Variants in MPRIP observed in about 807,000 individuals in gnomAD.
The protein encoded by MPRIP is myosin phosphatase Rho-interacting protein.
Under a neutral mutation model 234.9 loss-of-function variants are expected in MPRIP, and 59 were observed. The ratio of observed to expected loss-of-function variants is 0.25; its 90% CI spans 0.20 to 0.31. The LOEUF (loss-of-function observed/expected upper bound fraction) is 0.31. MPRIP is among the 10% of genes least tolerant of loss of function. MPRIP has a pLI of 1.00. For synonymous variants in MPRIP, 1,144 were observed against 1,263.9 expected (o/e 0.91, Z 2.01); for missense variants, 2,436 against 3,071.0 (o/e 0.79, Z 4.89).
chr17:17,069,068 T>G (rs2089128093), intron 1 of MPRIP, among the ~76,000 whole-genome samples: 1 of 152,210 alleles, frequency 6.6e-6, no homozygotes, highest in Non-Finnish European at 1.5e-5. Context: ...ATTTTTCCTT[T>G]TAGTTCTATT....
chr17:17,141,571 G>A (rs1056573569), intron 7 of MPRIP: 2 of 152,676 alleles, frequency 1.3e-5, no homozygotes, highest in African/African-American at 4.8e-5. Flanking sequence ...AGACGCCTTA[G>A]GCAGCCAGTT....
rs1322407498 is a variant in MPRIP at position 17,180,192 on chromosome 17, C to T, written c.7206+104C>T. On this transcript the variant is annotated intron_variant, in intron 23 of 23. Transcript: ENST00000651222. ...CTCCCATGGGCCACAGCTGCCAAAGCCCCAGGGCCCAGCACTGAGCCAGCC... is the reference window on the plus strand; with the variant it reads ...CTCCCATGGGCCACAGCTGCCAAAGTCCCAGGGCCCAGCACTGAGCCAGCC... The T allele has an allele frequency of 3.0e-6, 3 of 989,378 alleles. No individual in the cohort carries two copies. In the African/African-American group the frequency reaches 4.9e-5, roughly 16 times the overall value. The allele number at this position is 989,378 out of a possible 1,614,324, so 61.3% of individuals were successfully genotyped here.
At chr17:17,169,333 A>G (rs1257876922) in intron 16 of MPRIP, among the ~76,000 whole-genome samples, 1 of 152,210 alleles carries the variant, frequency 6.6e-6, no homozygotes, top group African/African-American at 2.4e-5. Flanking sequence ...CCATGGGGGC[A>G]GGGCCTGGGC....
Position 17,154,218 on chromosome 17 carries a change from T to C in MPRIP, c.1720-88T>C, listed in dbSNP as rs1414287156. 4.5e-6 allele frequency: 5 copies of C among 1,116,916 alleles called. No homozygotes were observed. In the African/African-American group the frequency reaches 6.1e-5, roughly 14 times the overall value. The allele number at this position is 1,116,916 out of a possible 1,614,324, so 69.2% of individuals were successfully genotyped here. ...CACAGCCTTTCTCCCTGTGGGACTT[T>C]ACCCAGTGCAGGGAGCTTCTTTGGA... On this transcript the variant is annotated intron_variant, in intron 12 of 23. Transcript: ENST00000651222.
At chr17:17,113,553 C>T (rs541094883) in intron 3 of MPRIP, among the ~76,000 whole-genome samples, 1 of 152,176 alleles carries the variant, frequency 6.6e-6, no homozygotes, top group Non-Finnish European at 1.5e-5. Flanking sequence ...TATTGGTGGA[C>T]ACTGGAGCTG....
chr17:17,075,247 G>T (rs2089300367), intron 1 of MPRIP, among the ~76,000 whole-genome samples: 1 of 152,212 alleles, frequency 6.6e-6, no homozygotes, highest in African/African-American at 2.4e-5. Flanking sequence ...GTCAGTTGAT[G>T]ATTCTTTGGC....
chr17:17,048,907 C>G (rs78893565), intron 1 of MPRIP, among the ~76,000 whole-genome samples: 2 of 152,214 alleles, frequency 1.3e-5, no homozygotes, highest in African/African-American at 4.8e-5. Context: ...GCACTACTCA[C>G]AATAGCCAAA....
rs2090743950 is a variant in MPRIP, at chr17:17,138,172, C to T, written c.993C>T (p.Leu331=). The change falls in exon 7 of 24, where the codon CTC becomes CTT. Residue 331 remains leucine (L), a synonymous_variant. Coordinates refer to ENST00000651222, the MANE Select transcript of MPRIP (RefSeq NM_001364716.4). This position sits in a 1 kb window ranked among gnomAD's most constrained non-coding sequence, Gnocchi z 5.8. ...ACCAAATGGTCTGCAGCATCTCCCTCAGCTCCCTGGATGTGGCCAGCCAGC... is the reference window on the plus strand; with the variant it reads ...ACCAAATGGTCTGCAGCATCTCCCTTAGCTCCCTGGATGTGGCCAGCCAGC... ...LPHQMVCSIS[L]SSLDVASQPP... is the part of the protein sequence containing the mutation. 8 of 1,162,030 alleles carry T rather than the reference C, an allele frequency of 6.9e-6. No individual in the cohort carries two copies. In the Middle Eastern group the frequency reaches 6.2e-4, roughly 91 times the overall value. The allele number at this position is 1,162,030 out of a possible 1,614,324, so 72.0% of individuals were successfully genotyped here. A position where few individuals can be genotyped will look rare whatever the true frequency, so the allele number is the denominator to read the frequency against.
In MPRIP at chr17:17,189,625, A is replaced by G. The variant is rs1039034540; in HGVS notation, c.*4731A>G. On this transcript the variant is annotated 3_prime_UTR_variant, in exon 24 of 24. Coordinates refer to ENST00000651222, the MANE Select transcript of MPRIP (RefSeq NM_001364716.4). ...AAGGAATTTGATGTTGAAATTTTAA[A>G]GAAAATTTGTCATGTTGATGAGAAG... 2.0e-5 allele frequency: 3 copies of G among 152,274 alleles called. No homozygotes were observed. Among genetic ancestry groups the G allele is most frequent in the Admixed American group, 6.5e-5 (1 of 15,290 alleles). The allele number at this position is 152,274 out of a possible 1,614,324, so 9.4% of individuals were successfully genotyped here.
chr17:17,123,912 C>CGGG (rs1224784352), intron 3 of MPRIP, among the ~76,000 whole-genome samples: 41 of 152,184 alleles, frequency 2.7e-4, no homozygotes, highest in African/African-American at 9.4e-4. Flanking sequence ...TTAGGTGATG[C>CGGG]CCGCCTCACA....
At chr17:17,071,556 C>T (rs2089195027) in intron 1 of MPRIP, among the ~76,000 whole-genome samples, 1 of 152,150 alleles carries the variant, frequency 6.6e-6, no homozygotes, top group African/African-American at 2.4e-5. Flanking sequence ...TCTACATCTG[C>T]CCCATCGTCC....
intron 1 of MPRIP, among the ~76,000 whole-genome samples, chr17:17,052,820 A>C (rs942799957): frequency 6.6e-6 from 1 of 152,198 alleles, no homozygotes; most frequent in African/African-American, 2.4e-5. Context: ...TTTCCTCTGA[A>C]AGAGGAATTC....
rs909010029 is a variant in MPRIP at position 17,166,887 on chromosome 17, G to A, written c.5296G>A (p.Asp1766Asn). ...RDSDSSQEPF[D>N]VSDQSPGAFV... ...CTCAGACAGCTCTCAGGAGCCCTTC[G>A]ATGTGTCTGACCAGAGCCCTGGGGC... The change falls in exon 16 of 24, where the codon GAT becomes AAT. Residue 1766 changes from aspartate (D) to asparagine (N), a missense_variant. By Grantham distance (23) the Asp-to-Asn change is conservative. Around this residue, in one of 4 missense-constraint regions of MPRIP, gnomAD observed 1,998 missense variants for 2,520.3 expected, o/e 0.79. Coordinates refer to ENST00000651222, the MANE Select transcript of MPRIP (RefSeq NM_001364716.4). The surrounding 1 kb of genome is among the most constrained non-coding windows in gnomAD (Gnocchi z 4.4). 17 of 1,304,062 alleles carry A rather than the reference G, an allele frequency of 1.3e-5. No individual in the cohort carries two copies. The highest frequency in any genetic ancestry group is 5.5e-5 in the East Asian group (1 of 18,022). The allele number at this position is 1,304,062 out of a possible 1,614,324, so 80.8% of individuals were successfully genotyped here.
chr17:17,072,209 A>G (rs981205231), intron 1 of MPRIP, among the ~76,000 whole-genome samples: 8 of 152,208 alleles, frequency 5.3e-5, no homozygotes, highest in Non-Finnish European at 8.8e-5. Flanking sequence ...TCTGAGACAT[A>G]GAGAAGCAGC....
chr17:17,102,301 T>C (rs1012292301), intron 3 of MPRIP, among the ~76,000 whole-genome samples: 2 of 152,110 alleles, frequency 1.3e-5, no homozygotes, highest in African/African-American at 4.8e-5. Flanking sequence ...GGCCCTTGCC[T>C]CTCCTTTGGC....
chr17:17,070,043 G>A (rs969117070), intron 1 of MPRIP, among the ~76,000 whole-genome samples: 1 of 152,122 alleles, frequency 6.6e-6, no homozygotes, highest in Admixed American at 6.5e-5. Flanking sequence ...GTTGACAGGT[G>A]TTTTCTTTCA....
At chr17:17,156,081 T>G (rs2045722723) in intron 13 of MPRIP, among the ~76,000 whole-genome samples, 1 of 152,124 alleles carries the variant, frequency 6.6e-6, no homozygotes, top group African/African-American at 2.4e-5. Flanking sequence ...TGGCCTGAGG[T>G]CCTCTCCTGC....
rs764597320 is a variant in MPRIP at position 17,164,872 on chromosome 17, G to A, written c.3281G>A (p.Arg1094His). 27 of 1,303,680 alleles carry A rather than the reference G, an allele frequency of 2.1e-5. No individual in the cohort carries two copies. In the Middle Eastern group the frequency reaches 6.4e-4, roughly 31 times the overall value. The allele number at this position is 1,303,680 out of a possible 1,614,324, so 80.8% of individuals were successfully genotyped here. Residue 1094 changes from arginine to histidine, a missense_variant, in exon 16 of 24, where the codon CGC becomes CAC. By Grantham distance (29) the Arg-to-His change is conservative. This residue lies in a region of MPRIP where 1,998 missense variants were observed against 2,520.3 expected (regional missense o/e 0.79). Transcript: ENST00000651222. ...CTGGAGGCACGAGAGGCCAGCGTGC[G>A]CAGGCTCGCAGAGCACGTGCAGAGC... ...EQLEAREASV[R>H]RLAEHVQSLC...
At chr17:17,063,052 G>T (rs2088914224) in intron 1 of MPRIP, among the ~76,000 whole-genome samples, 1 of 152,218 alleles carries the variant, frequency 6.6e-6, no homozygotes, top group South Asian at 2.1e-4. Context: ...GCCCTGGCTT[G>T]TGTCTACTTG....
Sources: gnomAD v4.1 joint callset for allele counts (sites outside exome capture counted in the v4.1 genomes callset) on GRCh38, gnomAD v4.1.1 for gene constraint, gnomAD v4.1.1 regional missense constraint, Gnocchi (gnomAD v3.1) non-coding constraint, MANE v1.5 for transcripts, NCBI Gene and HGNC (gene_info 2026-07-23, HGNC 2026-07-21) for gene names.